C13orf42: variants seen among roughly 807,000 people sequenced by gnomAD.
The protein encoded by C13orf42 is uncharacterized protein C13orf42.
At chr13:51,126,886 C>G (rs1409917294) in intron 1 of C13orf42, among the ~76,000 whole-genome samples, 1 of 152,154 alleles carries the variant, frequency 6.6e-6, no homozygotes, top group African/African-American at 2.4e-5. Flanking sequence ...AGAGAAGGGC[C>G]TGGTGCAGTG....
At chr13:51,088,938 A>G (rs1473773745) in intron 1 of C13orf42, among the ~76,000 whole-genome samples, 3 of 152,194 alleles carry the variant, frequency 2.0e-5, no homozygotes, top group Admixed American at 2.0e-4. Flanking sequence ...TCAAGATCCA[A>G]GATGGGTTTC....
intron 2 of C13orf42, among the ~76,000 whole-genome samples, chr13:51,086,326 A>AC (rs374321368): frequency 0.036 from 5,208 of 145,106 alleles, 309 homozygotes; most frequent in African/African-American, 0.12. Context: ...ACAAAAAAAA[A>AC]CAAAAAAAAA....
intron 1 of C13orf42, among the ~76,000 whole-genome samples, chr13:51,134,444 CA>C (rs1336291115): frequency 6.6e-6 from 1 of 152,196 alleles, no homozygotes; most frequent in Non-Finnish European, 1.5e-5. Flanking sequence ...TACCTCTCGG[CA>C]AAGGGGCCGT....
At chr13:51,105,471 C>CACACAATGTT (rs1192631953) in intron 1 of C13orf42, among the ~76,000 whole-genome samples, 3 of 152,198 alleles carry the variant, frequency 2.0e-5, no homozygotes, top group Non-Finnish European at 4.4e-5. Context: ...TTAAGGGCAT[C>CACACAATGTT]ACTAACCACA....
rs921222880 is a variant in C13orf42, at chr13:51,145,854, G to A, written n.136+26399C>T. Among the ~76,000 whole-genome samples, 14 of 152,284 alleles carry A rather than the reference G, an allele frequency of 9.2e-5. No homozygotes were observed. In the South Asian group the frequency reaches 1.2e-3, roughly 14 times the overall value. On this transcript the variant is annotated intron_variant and non_coding_transcript_variant, in intron 1 of 4. Transcript: ENST00000433280. ...GTACTTCTAACATATATTGATTGAC[G>A]TCTCATGTCTCCTTCAATGCATAAA...
chr13:51,158,016 A>G (rs1381625215), intron 1 of C13orf42, among the ~76,000 whole-genome samples: 1 of 152,198 alleles, frequency 6.6e-6, no homozygotes, highest in Admixed American at 6.5e-5. Context: ...ACAAACAACA[A>G]CAAAAAACCA....
rs577203790 is a variant in C13orf42, at chr13:51,089,203, G to A, written c.415-1128C>T. Among the ~76,000 whole-genome samples the A allele has an allele frequency of 1.1e-3, 167 of 152,304 alleles. 1 individual carries two copies. Among genetic ancestry groups the A allele is most frequent in the Non-Finnish European group, 1.1e-3 (76 of 68,024 alleles). On this transcript the variant is annotated intron_variant, in intron 1 of 3. Coordinates refer to ENST00000563710, the MANE Select transcript of C13orf42 (RefSeq NM_001351589.3). ...AACAGCATCTCTATGTGTACAAGAT[G>A]TTTATTAAGTGTATGCATTTTGTAC...
chr13:51,157,848 T>C (rs991375402), intron 1 of C13orf42, among the ~76,000 whole-genome samples: 9 of 152,250 alleles, frequency 5.9e-5, no homozygotes, highest in Admixed American at 5.9e-4. Context: ...ACCTGTGTTC[T>C]GGCTCTCACA....
At chr13:51,109,786 G>T (rs900044342) in intron 1 of C13orf42, among the ~76,000 whole-genome samples, 1 of 152,060 alleles carries the variant, frequency 6.6e-6, no homozygotes, top group Non-Finnish European at 1.5e-5. Flanking sequence ...ATAAAGGAAA[G>T]AGTAACTGAA....
intron 1 of C13orf42, among the ~76,000 whole-genome samples, chr13:51,108,955 G>A (rs989053256): frequency 6.6e-6 from 1 of 152,206 alleles, no homozygotes; most frequent in African/African-American, 2.4e-5. Context: ...AGGAAGGGAG[G>A]TAGGTCCTAT....
At chr13:51,154,458 T>G (rs949323649) in intron 1 of C13orf42, among the ~76,000 whole-genome samples, 21 of 152,172 alleles carry the variant, frequency 1.4e-4, no homozygotes, top group African/African-American at 4.8e-4. Flanking sequence ...ACATGCCCAG[T>G]TAGGGTGCGT....
rs1267416882 is a variant in C13orf42, at chr13:51,110,787, A to G, written c.414+9T>C. 1.0e-5 allele frequency: 4 copies of G among 398,542 alleles called. No homozygotes were observed. Among genetic ancestry groups the G allele is most frequent in the African/African-American group, 8.2e-5 (4 of 48,658 alleles). The allele number at this position is 398,542 out of a possible 1,614,324, so 24.7% of individuals were successfully genotyped here. ...CCTCATCTAAATTGTACTGCTCAGC[A>G]GCACTTACCTTTATTTCTTTGGGAG... On this transcript the variant is annotated intron_variant, in intron 1 of 3. Transcript: ENST00000563710.
chr13:51,127,333 T>C (rs1252922391), intron 1 of C13orf42, among the ~76,000 whole-genome samples: 2 of 151,816 alleles, frequency 1.3e-5, no homozygotes, highest in African/African-American at 4.8e-5. Context: ...AACGAGGAGG[T>C]AGATATTAGT....
At chr13:51,116,648 G>A (rs574264319) in intron 1 of C13orf42, among the ~76,000 whole-genome samples, 1 of 152,336 alleles carries the variant, frequency 6.6e-6, no homozygotes, top group South Asian at 2.1e-4. Context: ...TTAAGTAGGA[G>A]CTCCATGTGA....
chr13:51,168,598 G>C (rs1207569596), intron 1 of C13orf42, among the ~76,000 whole-genome samples: 1 of 152,226 alleles, frequency 6.6e-6, no homozygotes, highest in Non-Finnish European at 1.5e-5. Flanking sequence ...ACTCCCTACA[G>C]AGAGGAAGCA....
upstream of C13orf42, among the ~76,000 whole-genome samples, chr13:51,114,617 T>C (rs935973634): frequency 2.4e-5 from 2 of 82,294 alleles, no homozygotes; most frequent in African/African-American, 1.1e-4. Flanking sequence ...AGATAGATGA[T>C]AGATAGATAG....
At chr13:51,151,310 G>C (rs1312985660) in intron 1 of C13orf42, among the ~76,000 whole-genome samples, 1 of 151,920 alleles carries the variant, frequency 6.6e-6, no homozygotes, top group African/African-American at 2.4e-5. Flanking sequence ...CACCATTGCT[G>C]ACTTTCAAGA....
intron 1 of C13orf42, among the ~76,000 whole-genome samples, chr13:51,131,397 A>G (rs1267669659): frequency 1.3e-5 from 2 of 152,256 alleles, no homozygotes; most frequent in African/African-American, 2.4e-5. Context: ...TATAGATCCA[A>G]TAAAAGCCCC....
chr13:51,114,641 T>C (rs548131753), upstream of C13orf42, among the ~76,000 whole-genome samples: 2 of 92,054 alleles, frequency 2.2e-5, no homozygotes, highest in East Asian at 6.5e-4. Flanking sequence ...GATAGATAGA[T>C]AGATAGAGAT....
Sources: allele counts gnomAD v4.1 joint callset (sites outside exome capture counted in the v4.1 genomes callset), GRCh38; gene constraint gnomAD v4.1.1; transcripts MANE v1.5; gene names NCBI Gene and HGNC (gene_info 2026-07-23, HGNC 2026-07-21).